Variants in ARHGAP24 observed in about 807,000 individuals in gnomAD.
ARHGAP24 encodes rho GTPase-activating protein 24.
In ARHGAP24, 50 loss-of-function variants were observed where a neutral mutation model predicts 76.4. The ratio of observed to expected loss-of-function variants is 0.65; its 90% CI spans 0.52 to 0.83. ARHGAP24 has a LOEUF of 0.83. Among genes scored for constraint, ARHGAP24 ranks in the 40% least tolerant of loss-of-function variants. The probability of loss-of-function intolerance (pLI) is 0.00; values close to 1 mark genes in which losing one functional copy is unlikely to be tolerated. For synonymous variants in ARHGAP24, 345 were observed against 323.3 expected (o/e 1.07, Z -0.72); for missense variants, 930 against 914.2 (o/e 1.02, Z -0.22).
At chr4:85,627,906 G>A (rs534178904) in intron 2 of ARHGAP24, among the ~76,000 whole-genome samples, 8 of 152,244 alleles carry the variant, frequency 5.3e-5, no homozygotes, top group Admixed American at 1.3e-4. Flanking sequence ...CTGGTGTGCC[G>A]TTTTTTAAGC....
At chr4:85,666,329 T>G (rs1275122941) in intron 2 of ARHGAP24, among the ~76,000 whole-genome samples, 1 of 152,228 alleles carries the variant, frequency 6.6e-6, no homozygotes, top group East Asian at 1.9e-4. Context: ...GCTTCTGCAT[T>G]CTTCACGTAG....
chr4:85,804,156 C>T (rs1383309302), intron 3 of ARHGAP24, among the ~76,000 whole-genome samples: 3 of 151,936 alleles, frequency 2.0e-5, no homozygotes, highest in Non-Finnish European at 2.9e-5. Context: ...AATGGGATTG[C>T]AGATACAATT....
intron 1 of ARHGAP24, among the ~76,000 whole-genome samples, chr4:85,511,882 G>A (rs1159742693): frequency 2.0e-5 from 3 of 152,172 alleles, no homozygotes; most frequent in African/African-American, 4.8e-5. Flanking sequence ...AGTTTCTGGT[G>A]GTTTGCTGGA....
At position 85,860,779 on chromosome 4, in the gene ARHGAP24, C is replaced by A. The variant is rs77334708; in HGVS notation, c.269-62869C>A. ...CTATTCATTAGTTATTAAAATGATT[C>A]ATCATAGTCACTTTTCCTACTCATC... On this transcript the variant is annotated intron_variant, in intron 3 of 9. Coordinates refer to ENST00000395184, the MANE Select transcript of ARHGAP24 (RefSeq NM_001025616.3). 4.7e-3 allele frequency among the ~76,000 whole-genome samples: 715 copies of A among 152,060 alleles called. 7 individuals carry two copies. The highest frequency in any genetic ancestry group is 0.016 in the African/African-American group (680 of 41,506).
In ARHGAP24 at chr4:86,000,567, G is replaced by A; in HGVS notation, c.2092G>A (p.Glu698Lys). ...DQERKKFTMI[E>K]IKMRNAERAK... ...GGAGAGGAAAAAGTTCACAATGATAGAAATAAAAATGCGAAATGCCGAGCG... is the reference window on the plus strand; with the variant it reads ...GGAGAGGAAAAAGTTCACAATGATAAAAATAAAAATGCGAAATGCCGAGCG... The change falls in exon 10 of 10, where the codon GAA (glutamate) becomes AAA (lysine). Residue 698 changes from glutamate to lysine, a missense_variant. Glu to Lys is a moderately conservative substitution (Grantham distance 56, BLOSUM62 1). Transcript: ENST00000395184. 6.2e-7 allele frequency: 1 copy of A among 1,610,950 alleles called. No homozygotes were observed. The highest frequency in any genetic ancestry group is 8.5e-7 in the Non-Finnish European group (1 of 1,178,872).
At chr4:85,766,121 C>T (rs1211134569) in intron 3 of ARHGAP24, among the ~76,000 whole-genome samples, 2 of 151,994 alleles carry the variant, frequency 1.3e-5, no homozygotes, top group Admixed American at 6.6e-5. Flanking sequence ...ATTTAGAGCC[C>T]GGGGAGGAAA....
intron 2 of ARHGAP24, among the ~76,000 whole-genome samples, chr4:85,579,337 A>G (rs1727511136): frequency 6.6e-6 from 1 of 152,188 alleles, no homozygotes. Context: ...TATACCAACT[A>G]GAGGAGAAGA....
At chr4:85,707,028 C>A (rs765146900) in intron 2 of ARHGAP24, among the ~76,000 whole-genome samples, 3 of 152,170 alleles carry the variant, frequency 2.0e-5, no homozygotes, top group Non-Finnish European at 2.9e-5. Flanking sequence ...TATCCTCCTG[C>A]CTCAGCCTCC....
intron 2 of ARHGAP24, among the ~76,000 whole-genome samples, chr4:85,657,889 G>C (rs976240571): frequency 1.4e-4 from 21 of 152,190 alleles, no homozygotes; most frequent in Admixed American, 1.3e-3. Flanking sequence ...CGAATAGCTG[G>C]GGCCACAGGT....
chr4:85,868,062 T>TTA (rs1250189713), intron 3 of ARHGAP24, among the ~76,000 whole-genome samples: 1 of 151,816 alleles, frequency 6.6e-6, no homozygotes, highest in Non-Finnish European at 1.5e-5. Flanking sequence ...TGCAGCTTGA[T>TTA]TTTATACACT....
chr4:85,830,273 T>A (rs1399289744), intron 3 of ARHGAP24, among the ~76,000 whole-genome samples: 1 of 152,168 alleles, frequency 6.6e-6, no homozygotes, highest in Non-Finnish European at 1.5e-5. Flanking sequence ...CCAGGGAAAA[T>A]CCTACTTCCC....
At chr4:85,597,249 T>TA (rs1341972556) in intron 2 of ARHGAP24, among the ~76,000 whole-genome samples, 2 of 152,134 alleles carry the variant, frequency 1.3e-5, no homozygotes, top group Non-Finnish European at 2.9e-5. Flanking sequence ...ACATAAAAGA[T>TA]AAATTTATTG....
At chr4:85,488,067 C>T (rs1723207072) in intron 1 of ARHGAP24, among the ~76,000 whole-genome samples, 2 of 150,568 alleles carry the variant, frequency 1.3e-5, no homozygotes, top group Admixed American at 1.3e-4. Context: ...CCACCACGCC[C>T]GGCTAATTTT....
At chr4:85,686,756 T>A (rs1723436417) in intron 2 of ARHGAP24, 1 of 150,216 alleles carries the variant, frequency 6.7e-6, no homozygotes, top group Non-Finnish European at 1.5e-5. Flanking sequence ...TTCCTTAGCA[T>A]TACTAATCAA....
chr4:85,695,760 TAATTTCCTCTTAGTTG>T (rs2110021554), intron 2 of ARHGAP24, among the ~76,000 whole-genome samples: 1 of 152,348 alleles, frequency 6.6e-6, no homozygotes, highest in South Asian at 2.1e-4. Flanking sequence ...TAAATTAATT[TAATTTCCTCTTAGTTG>T]AATTTGAATA....
chr4:85,817,703 T>C (rs1229243467), intron 3 of ARHGAP24, among the ~76,000 whole-genome samples: 6 of 152,236 alleles, frequency 3.9e-5, no homozygotes, highest in African/African-American at 7.2e-5. Flanking sequence ...ATCCTTTCTA[T>C]GTAGACTTTA....
chr4:85,884,478 T>C (rs1436673587), intron 3 of ARHGAP24, among the ~76,000 whole-genome samples: 4 of 152,132 alleles, frequency 2.6e-5, no homozygotes, highest in Non-Finnish European at 5.9e-5. Flanking sequence ...TTTCTAAACA[T>C]TTGTTAAGGG....
intron 8 of ARHGAP24, chr4:85,992,228 A>G: frequency 5.0e-6 from 2 of 397,068 alleles, no homozygotes; most frequent in Non-Finnish European, 8.9e-6. Flanking sequence ...CACACACATC[A>G]TCATTACTGC....
At chr4:85,925,189 A>G (rs1374515943) in intron 4 of ARHGAP24, among the ~76,000 whole-genome samples, 1 of 152,200 alleles carries the variant, frequency 6.6e-6, no homozygotes, top group Non-Finnish European at 1.5e-5. Flanking sequence ...AATATAAACG[A>G]TTCACAAGAT....
Sources: allele counts gnomAD v4.1 joint callset (sites outside exome capture counted in the v4.1 genomes callset), GRCh38; gene constraint gnomAD v4.1.1; transcripts MANE v1.5; gene names NCBI Gene and HGNC (gene_info 2026-07-23, HGNC 2026-07-21).